APBA2: variants seen among roughly 807,000 people sequenced by gnomAD.
APBA2 encodes the protein amyloid beta precursor protein binding family A member 2, also known as amyloid-beta A4 precursor protein-binding family A member 2.
A neutral mutation model predicts 75.0 loss-of-function variants in APBA2; 30 were observed. The observed-to-expected ratio is 0.40, with a 90% confidence interval of 0.30 to 0.54. APBA2 has a LOEUF of 0.54. Among genes scored for constraint, APBA2 ranks in the 20% least tolerant of loss-of-function variants. The pLI is 0.49. For missense variants in APBA2, 801 were observed against 1,016.1 expected (o/e 0.79, Z 2.88); for synonymous variants, 444 against 409.6 (o/e 1.08, Z -1.01).
intron 14 of APBA2, among the ~76,000 whole-genome samples, chr15:29,115,873 C>G (rs1037458459): frequency 3.9e-5 from 6 of 152,134 alleles, no homozygotes; most frequent in Non-Finnish European, 8.8e-5. Flanking sequence ...GCCCAGGGCC[C>G]GAGACCTGCT....
At chr15:29,078,612 A>G (rs1367967094) in intron 6 of APBA2, among the ~76,000 whole-genome samples, 1 of 149,104 alleles carries the variant, frequency 6.7e-6, no homozygotes, top group Admixed American at 6.7e-5. Flanking sequence ...CTCCATCTCA[A>G]AAAAAAAAAA....
intron 2 of APBA2, among the ~76,000 whole-genome samples, chr15:28,961,884 AT>A (rs1038581138): frequency 2.6e-4 from 39 of 152,052 alleles, no homozygotes; most frequent in African/African-American, 8.9e-4. Context: ...TAATTCTATC[AT>A]TTTCTTTTTA....
intron 3 of APBA2, among the ~76,000 whole-genome samples, chr15:29,032,189 T>G (rs2152846160): frequency 6.6e-6 from 1 of 152,324 alleles, no homozygotes; most frequent in South Asian, 2.1e-4. Flanking sequence ...TGATGGTTAG[T>G]TTTGTGTGTT....
At position 28,971,894 on chromosome 15, in the gene APBA2, G is replaced by A. The variant is rs2037089037; in HGVS notation, c.-94-23859G>A. ...CACCTAGCGTCCATACAATATTACT[G>A]TAAGAAAAAGAAATAGAAAATGTGT... is the stretch of plus-strand genomic sequence containing the variant. On this transcript the variant is annotated intron_variant, in intron 2 of 14. Transcript: ENST00000683413. 5.9e-5 allele frequency among the ~76,000 whole-genome samples: 9 copies of A among 152,216 alleles called. No individual in the cohort carries two copies. In the South Asian group the frequency reaches 1.9e-3, roughly 32 times the overall value.
chr15:29,035,924 T>C (rs2040724415), intron 3 of APBA2, among the ~76,000 whole-genome samples: 1 of 152,172 alleles, frequency 6.6e-6, no homozygotes, highest in South Asian at 2.1e-4. Flanking sequence ...CCCCTCAGGG[T>C]GCCAGCTGTC....
intron 2 of APBA2, among the ~76,000 whole-genome samples, chr15:28,988,367 G>A (rs922799995): frequency 2.0e-5 from 3 of 151,656 alleles, no homozygotes; most frequent in South Asian, 2.1e-4. Context: ...GGGTTCAAGC[G>A]ATTCTCCTAC....
At chr15:28,959,671 A>T (rs1006149122) in intron 2 of APBA2, among the ~76,000 whole-genome samples, 6 of 152,224 alleles carry the variant, frequency 3.9e-5, no homozygotes, top group African/African-American at 9.6e-5. Context: ...TAGAAAACTA[A>T]TACAGTGCCT....
chr15:29,087,468 C>T (rs902349962), intron 6 of APBA2, among the ~76,000 whole-genome samples: 9 of 152,140 alleles, frequency 5.9e-5, no homozygotes, highest in African/African-American at 2.2e-4. Flanking sequence ...CTGTGGAACC[C>T]CCAAATCCCT....
rs557076784 is a variant in APBA2, at chr15:28,927,513, G to A, written c.-95+5764G>A. On this transcript the variant is annotated intron_variant, in intron 2 of 14. Transcript: ENST00000683413. ...TTCCCTTTTGGTATTCCAGTTACACGTGTAACATCTTTGATGTTGTTCCAC... is the reference window on the plus strand; with the variant it reads ...TTCCCTTTTGGTATTCCAGTTACACATGTAACATCTTTGATGTTGTTCCAC... Among the ~76,000 whole-genome samples, 5 of 151,972 alleles carry A rather than the reference G, an allele frequency of 3.3e-5. No homozygotes were observed. In the East Asian group the frequency reaches 5.9e-4, roughly 18 times the overall value.
chr15:29,071,064 A>G (rs758179121), intron 4 of APBA2: 1 of 456,686 alleles, frequency 2.2e-6, no homozygotes, highest in Non-Finnish European at 4.4e-6. Flanking sequence ...GAGTGCTTGG[A>G]AGCATCCTGA....
At position 28,935,249 on chromosome 15, in the gene APBA2, C is replaced by T. The variant is rs117590365; in HGVS notation, c.-95+13500C>T. ...CCGGACCCTTGGGGCCCCTTCCATC[C>T]GATGCACCTCGTGGCCCAGTCTTTA... On this transcript the variant is annotated intron_variant, in intron 2 of 14. Transcript: ENST00000683413. Among the ~76,000 whole-genome samples, 642 of 152,324 alleles carry T rather than the reference C, an allele frequency of 4.2e-3. 13 individuals carry two copies. The highest frequency in any genetic ancestry group is 0.028 in the East Asian group (145 of 5,178).
chr15:28,954,393 T>G (rs2036054268), intron 2 of APBA2, among the ~76,000 whole-genome samples: 1 of 152,158 alleles, frequency 6.6e-6, no homozygotes, highest in South Asian at 2.1e-4. Flanking sequence ...TCAACTGACT[T>G]TATTTCTTAA....
chr15:28,912,275 A>G (rs961318157), intron 1 of APBA2, among the ~76,000 whole-genome samples: 1 of 152,220 alleles, frequency 6.6e-6, no homozygotes, highest in African/African-American at 2.4e-5. Context: ...GAAGGGCCAG[A>G]GGAGAGACTT....
chr15:29,111,797 T>C (rs1220351312), intron 13 of APBA2, among the ~76,000 whole-genome samples: 1 of 152,112 alleles, frequency 6.6e-6, no homozygotes, highest in Non-Finnish European at 1.5e-5. Context: ...TGTCCAGGCA[T>C]CTGCCTGGCT....
intron 3 of APBA2, among the ~76,000 whole-genome samples, chr15:29,003,537 G>T (rs767711629): frequency 6.6e-5 from 10 of 152,210 alleles, no homozygotes; most frequent in Non-Finnish European, 1.2e-4. Flanking sequence ...TATGGAGGTG[G>T]AATAGTTTCA....
chr15:28,901,185 G>A (rs543187487), intron 1 of APBA2, among the ~76,000 whole-genome samples: 1 of 152,304 alleles, frequency 6.6e-6, no homozygotes, highest in South Asian at 2.1e-4. Context: ...GGCACGCTTG[G>A]CTCTGTCCGG....
chr15:28,972,092 G>T (rs1437427510), intron 2 of APBA2, among the ~76,000 whole-genome samples: 2 of 152,166 alleles, frequency 1.3e-5, no homozygotes, highest in Non-Finnish European at 2.9e-5. Context: ...ATGAAGAAAA[G>T]TCTAAGATAA....
intron 4 of APBA2, among the ~76,000 whole-genome samples, chr15:29,057,869 G>A (rs16955013): frequency 0.021 from 3,129 of 152,186 alleles, 122 homozygotes; most frequent in African/African-American, 0.071. Context: ...GTACATCAAC[G>A]TTGACCATTT....
intron 3 of APBA2, among the ~76,000 whole-genome samples, chr15:29,048,097 C>G (rs2041426973): frequency 6.6e-6 from 1 of 152,042 alleles, no homozygotes; most frequent in Admixed American, 6.6e-5. Context: ...TCTTGTAATC[C>G]CAGCACTTTG....
Sources: gnomAD v4.1 joint callset for allele counts (sites outside exome capture counted in the v4.1 genomes callset) on GRCh38, gnomAD v4.1.1 for gene constraint, MANE v1.5 for transcripts, NCBI Gene and HGNC (gene_info 2026-07-23, HGNC 2026-07-21) for gene names.